CDH4: variants seen among roughly 807,000 people sequenced by gnomAD.
CDH4 encodes the protein cadherin-4.
CDH4 carries 33 observed loss-of-function variants against 86.0 expected under a neutral mutation model. That is an observed-to-expected ratio of 0.38 (90% CI 0.29 to 0.51). CDH4 has a LOEUF of 0.51. Ranked by LOEUF, CDH4 falls within the 20% of genes least tolerant of loss-of-function variation. The probability of loss-of-function intolerance (pLI) is 0.86; values close to 1 mark genes in which losing one functional copy is unlikely to be tolerated. For missense variants in CDH4, 1,114 were observed against 1,307.4 expected, an observed-to-expected ratio of 0.85 and a Z score of 2.28; for synonymous variants, 555 against 549.4, an observed-to-expected ratio of 1.01 and a Z score of -0.14.
rs1434044666 is a variant in CDH4, at chr20:61,417,435, G to A, written c.169+162498G>A. Among the ~76,000 whole-genome samples, 2 of 152,088 alleles carry A rather than the reference G, an allele frequency of 1.3e-5. No homozygotes were observed. The highest frequency in any genetic ancestry group is 2.1e-4 in the South Asian group (1 of 4,814). ...GAGCCAGCTGTGGGGTGTGGGGCCC[G>A]AGTGCCAGCTGTTTCCTCTAAAAAT... On this transcript the variant is annotated intron_variant, in intron 2 of 15. Transcript: ENST00000614565. This position sits in a 1 kb window ranked among gnomAD's most constrained non-coding sequence, Gnocchi z 4.0.
chr20:61,547,909 A>G (rs904983739), intron 2 of CDH4, among the ~76,000 whole-genome samples: 1 of 152,262 alleles, frequency 6.6e-6, no homozygotes, highest in African/African-American at 2.4e-5. Context: ...TATGTCAAAC[A>G]GTCTGCTGGC....
rs559233234 is a variant in CDH4, at chr20:61,568,766, C to CT, written c.170-174795dup. Among the ~76,000 whole-genome samples, 20 of 152,312 alleles carry CT rather than the reference C, an allele frequency of 1.3e-4. No individual in the cohort carries two copies. In the East Asian group the frequency reaches 3.9e-3, roughly 29 times the overall value. On this transcript the variant is annotated intron_variant, in intron 2 of 15. Coordinates refer to ENST00000614565, the MANE Select transcript of CDH4 (RefSeq NM_001794.5). ...GGCTCTCCTGACTTCCAGCCTTAGG[C>CT]TTGAGCTGTGCTCTTCCCTCCAAGA...
At position 61,811,792 on chromosome 20, in the gene CDH4, C is replaced by T. The variant is rs1980450282; in HGVS notation, c.577-32876C>T. Among the ~76,000 whole-genome samples the T allele has an allele frequency of 6.6e-6, 1 of 152,006 alleles. No homozygotes were observed. The highest frequency in any genetic ancestry group is 1.5e-5 in the Non-Finnish European group (1 of 68,016). ...GTTCAAGCAATTCTCCTGCCTCAGC[C>T]TCCCATGTAGCTGGTACTACAGGCA... On this transcript the variant is annotated intron_variant, in intron 4 of 15. Coordinates refer to ENST00000614565, the MANE Select transcript of CDH4 (RefSeq NM_001794.5). This position sits in a 1 kb window ranked among gnomAD's most constrained non-coding sequence, Gnocchi z 4.4.
At position 61,565,307 on chromosome 20, in the gene CDH4, T is replaced by TTGGTGATGGGGTGA. The variant is rs764588345; in HGVS notation, c.170-178251_170-178250insATGGGGTGATGGTG. 2.8e-4 allele frequency among the ~76,000 whole-genome samples: 12 copies of TTGGTGATGGGGTGA among 42,572 alleles called. 2 individuals are homozygous for TTGGTGATGGGGTGA. Among genetic ancestry groups the TTGGTGATGGGGTGA allele is most frequent in the South Asian group, 1.1e-3 (1 of 950 alleles). The allele number at this position is 42,572 out of a possible 152,430, so 27.9% of individuals were successfully genotyped here. On this transcript the variant is annotated intron_variant, in intron 2 of 15. Coordinates refer to ENST00000614565, the MANE Select transcript of CDH4 (RefSeq NM_001794.5). ...TGGGGTGATGGTGGTGGCGGTGCTCTTGGTGGTGGCGGTGCTCTTGGTGAT... is the reference window on the plus strand; with the variant it reads ...TGGGGTGATGGTGGTGGCGGTGCTCTTGGTGATGGGGTGATGGTGGTGGCGGTGCTCTTGGTGAT...
chr20:61,487,056 C>T (rs908949354), intron 2 of CDH4, among the ~76,000 whole-genome samples: 5 of 152,128 alleles, frequency 3.3e-5, no homozygotes, highest in African/African-American at 7.2e-5. Flanking sequence ...TGTTATCTTC[C>T]AGGAGTTTTA....
intron 2 of CDH4, among the ~76,000 whole-genome samples, chr20:61,508,610 G>A (rs879313255): frequency 2.6e-5 from 4 of 152,238 alleles, no homozygotes; most frequent in Non-Finnish European, 5.9e-5. Flanking sequence ...TGTTCAGGAG[G>A]ACCTGGTGGC....
intron 2 of CDH4, among the ~76,000 whole-genome samples, chr20:61,337,246 TG>T (rs2084622057): frequency 4.6e-4 from 1 of 2,196 alleles, no homozygotes; most frequent in African/African-American, 1.5e-3. Flanking sequence ...ATGGTGGTGG[TG>T]AAGATGATGG....
chr20:61,330,647 C>T (rs1383753414), intron 2 of CDH4, among the ~76,000 whole-genome samples: 9 of 152,274 alleles, frequency 5.9e-5, no homozygotes, highest in East Asian at 5.8e-4. Context: ...GGCTGGGCAC[C>T]GACATGCTAC....
intron 2 of CDH4, among the ~76,000 whole-genome samples, chr20:61,653,774 A>T: frequency 9.6e-6 from 1 of 104,460 alleles, no homozygotes; most frequent in African/African-American, 3.2e-5. Flanking sequence ...CGCTCCCCAC[A>T]TCCCAGACGA....
chr20:61,557,946 A>G (rs548070760), intron 2 of CDH4, among the ~76,000 whole-genome samples: 19 of 152,288 alleles, frequency 1.2e-4, no homozygotes, highest in Admixed American at 1.2e-3. Flanking sequence ...GTAATTCAAA[A>G]CAAATTTCAA....
chr20:61,526,171 TC>T lies in CDH4; in HGVS notation c.170-217387del, dbSNP rs563658628. Among the ~76,000 whole-genome samples, 662 of 149,516 alleles carry T rather than the reference TC, an allele frequency of 4.4e-3. 5 individuals are homozygous for T. The highest frequency in any genetic ancestry group is 0.015 in the African/African-American group (604 of 39,848). On this transcript the variant is annotated intron_variant, in intron 2 of 15. Coordinates refer to ENST00000614565, the MANE Select transcript of CDH4 (RefSeq NM_001794.5). ...TCTGTCCCTCTCCTGCTGGTGCCCC[TC>T]CCCCTCCCCGGGTGGTTCTGTCCAG...
chr20:61,723,578 C>T (rs2088068640), intron 2 of CDH4, among the ~76,000 whole-genome samples: 1 of 152,212 alleles, frequency 6.6e-6, no homozygotes, highest in Non-Finnish European at 1.5e-5. Context: ...AGCACCTGCT[C>T]TTCTCGAGGG....
intron 2 of CDH4, among the ~76,000 whole-genome samples, chr20:61,291,855 C>G (rs2084323225): frequency 6.6e-6 from 1 of 152,188 alleles, no homozygotes; most frequent in Non-Finnish European, 1.5e-5. Flanking sequence ...GGACCTAAGC[C>G]CGATACCCAA....
At chr20:61,799,451 A>C (rs1275046182) in intron 4 of CDH4, among the ~76,000 whole-genome samples, 1 of 152,230 alleles carries the variant, frequency 6.6e-6, no homozygotes, top group South Asian at 2.1e-4. Flanking sequence ...TGCATTTTAG[A>C]GTCGATCTTT....
At chr20:61,430,859 C>A (rs1397985083) in intron 2 of CDH4, among the ~76,000 whole-genome samples, 1 of 152,226 alleles carries the variant, frequency 6.6e-6, no homozygotes. Flanking sequence ...TTCCTACTGG[C>A]CAAGAAACAG....
intron 2 of CDH4, among the ~76,000 whole-genome samples, chr20:61,448,845 A>G (rs1468568781): frequency 6.6e-6 from 1 of 152,016 alleles, no homozygotes; most frequent in Non-Finnish European, 1.5e-5. Flanking sequence ...CCAAACTTCG[A>G]GGTTAGTGAT....
intron 2 of CDH4, among the ~76,000 whole-genome samples, chr20:61,565,874 T>C (rs866157538): frequency 1.3e-5 from 2 of 152,262 alleles, no homozygotes; most frequent in Non-Finnish European, 1.5e-5. Flanking sequence ...CCGGGGTTGC[T>C]CAGCTGCCTG....
intron 2 of CDH4, among the ~76,000 whole-genome samples, chr20:61,455,851 A>C (rs1373509058): frequency 1.3e-5 from 2 of 152,190 alleles, no homozygotes; most frequent in African/African-American, 4.8e-5. Flanking sequence ...AGCAAGCATG[A>C]AGGAGCCAAA....
At chr20:61,270,346 ATTC>A (rs1252805666) in intron 2 of CDH4, among the ~76,000 whole-genome samples, 24 of 152,338 alleles carry the variant, frequency 1.6e-4, no homozygotes, top group African/African-American at 5.8e-4. Flanking sequence ...AGGTTATCTT[ATTC>A]TTTTCCATCT....
Sources: allele counts gnomAD v4.1 joint callset (sites outside exome capture counted in the v4.1 genomes callset), GRCh38; gene constraint gnomAD v4.1.1; non-coding constraint Gnocchi (gnomAD v3.1); transcripts MANE v1.5; gene names NCBI Gene and HGNC (gene_info 2026-07-23, HGNC 2026-07-21).